Variants in MYO18A observed in about 807,000 individuals in gnomAD.
MYO18A encodes unconventional myosin-XVIIIa.
A neutral mutation model predicts 235.8 loss-of-function variants in MYO18A; 78 were observed. The observed-to-expected ratio is 0.33, with a 90% CI of 0.28 to 0.40. MYO18A has a LOEUF of 0.40. Among genes scored for constraint, MYO18A ranks in the 10% least tolerant of loss-of-function variants. MYO18A has a pLI of 1.00. For missense variants in MYO18A, 2,215 were observed against 2,699.3 expected (o/e 0.82, Z 3.98); for synonymous variants, 977 against 1,077.8 (o/e 0.91, Z 1.83).
intron 10 of MYO18A, among the ~76,000 whole-genome samples, chr17:29,116,857 G>C (rs2067085099): frequency 6.6e-6 from 1 of 151,692 alleles, no homozygotes; most frequent in Admixed American, 6.6e-5. Context: ...TTAGAGGAAA[G>C]CTAGGCTTGT....
chr17:29,124,319 C>T (rs933627069), intron 2 of MYO18A, among the ~76,000 whole-genome samples: 1 of 152,206 alleles, frequency 6.6e-6, no homozygotes, highest in African/African-American at 2.4e-5. Context: ...AGCTTTCTCT[C>T]TCCAGAGTGA....
chr17:29,073,924 G>A lies in MYO18A; in HGVS notation c.*846C>T, dbSNP rs867287177. The A allele has an allele frequency of 2.0e-5, 33 of 1,613,864 alleles. No homozygotes were observed. The highest frequency in any genetic ancestry group is 4.0e-5 in the African/African-American group (3 of 74,902). On this transcript the variant is annotated 3_prime_UTR_variant, in exon 42 of 42. Transcript: ENST00000527372. ...CTGGACAGAGCAGGAGGGAGGCAGTGCTTGGATCAGCCCTGAACTGCTGTA... is the reference window on the plus strand; with the variant it reads ...CTGGACAGAGCAGGAGGGAGGCAGTACTTGGATCAGCCCTGAACTGCTGTA...
rs151323308 is a variant in MYO18A, at chr17:29,166,049, G to A, written c.892C>T (p.Gln298Ter). 6.2e-7 allele frequency: 1 copy of A among 1,613,768 alleles called. No homozygotes were observed. The highest frequency in any genetic ancestry group is 8.5e-7 in the Non-Finnish European group (1 of 1,179,898). ...TTGAGCCGCACGCTGTCCCCTGACT[G>A]CCGGATCATCTCCACAATCTCATCC... ...SRDEIVEMIR[Q>*]SGDSVRLKVQ... Residue 298 changes from glutamine (Q) to a stop codon, truncating the protein, a stop_gained, in exon 2 of 42, where the codon CAG (glutamine) becomes TAG (stop). Transcript: ENST00000527372. LOFTEE classifies it high-confidence loss of function.
At position 29,179,229 on chromosome 17, in the gene MYO18A, C is replaced by T. The variant is rs538180290; in HGVS notation, c.-82+1084G>A. Reference sequence around the variant, plus strand: ...AGTGGTCAGGCAAAATGAATACCCGCTCAAAAACAAACTGGCTGTCTTCCT... The same window carrying T: ...AGTGGTCAGGCAAAATGAATACCCGTTCAAAAACAAACTGGCTGTCTTCCT... On this transcript the variant is annotated intron_variant, in intron 1 of 41. Transcript: ENST00000527372. Among the ~76,000 whole-genome samples the T allele has an allele frequency of 2.6e-5, 4 of 152,290 alleles. No individual in the cohort carries two copies. The East Asian group carries it at 7.7e-4, about 29-fold the overall frequency.
chr17:29,090,523 G>C lies in MYO18A; in HGVS notation c.5388+9C>G. ...CTCTCTCTCTCCTGAGGGAGCCCCT[G>C]GTCCTCACCTTCTCCTGCAGCTCCT... On this transcript the variant is annotated intron_variant, in intron 36 of 41. Transcript: ENST00000527372. 1 of 1,580,304 alleles carries C rather than the reference G, an allele frequency of 6.3e-7. No individual in the cohort carries two copies. Among genetic ancestry groups the C allele is most frequent in the Non-Finnish European group, 8.6e-7 (1 of 1,161,502 alleles).
chr17:29,081,120 G>C (rs1568036266), intron 41 of MYO18A: 1 of 555,048 alleles, frequency 1.8e-6, no homozygotes, highest in Non-Finnish European at 2.3e-6. Context: ...AAAGACACAG[G>C]GGGAGGGAGG....
At chr17:29,085,553 G>A (rs1285723233) in intron 40 of MYO18A, 51 bp downstream of exon 40, 30 of 1,582,224 alleles carry the variant, frequency 1.9e-5, no homozygotes, top group Non-Finnish European at 1.7e-6. Flanking sequence ...TGTTAGGGGT[G>A]GTTAGACACC....
Position 29,125,781 on chromosome 17 carries a change from C to T in MYO18A, c.1000-3528G>A. ...GCCCAACATGAGGGCCCACAGGCCGCCATGGAGCCATCTTCATGGTCAGCG... is the reference window on the plus strand; with the variant it reads ...GCCCAACATGAGGGCCCACAGGCCGTCATGGAGCCATCTTCATGGTCAGCG... On this transcript the variant is annotated intron_variant, in intron 2 of 41. Coordinates refer to ENST00000527372, the MANE Select transcript of MYO18A (RefSeq NM_078471.4). The surrounding 1 kb of genome is among the most constrained non-coding windows in gnomAD (Gnocchi z 5.1). 2.7e-6 allele frequency: 1 copy of T among 374,648 alleles called. No homozygotes were observed. Among genetic ancestry groups the T allele is most frequent in the Non-Finnish European group, 3.7e-6 (1 of 270,508 alleles). The allele number at this position is 374,648 out of a possible 1,614,324, so 23.2% of individuals were successfully genotyped here.
chr17:29,092,197 C>T (rs961063009), intron 34 of MYO18A, 146 bp downstream of exon 34: 66 of 643,714 alleles, frequency 1.0e-4, no homozygotes, highest in Admixed American at 7.3e-4. Flanking sequence ...AGGGGAGGCC[C>T]GCTCTTCCTG....
Position 29,107,110 on chromosome 17 carries a change from C to T in MYO18A, c.3411G>A (p.Gly1137=). Reference sequence around the variant, plus strand: ...TTTCATCCACCACGATGTAGTTACGCCCGTGTTTCTTGGTCAGGTGCGGGG... The same window carrying T: ...TTTCATCCACCACGATGTAGTTACGTCCGTGTTTCTTGGTCAGGTGCGGGG... The part of the protein sequence containing the change: ...VLAPHLTKKH[G]RNYIVVDERR... The change falls in exon 20 of 42, where the codon GGG becomes GGA. Residue 1137 remains glycine (G), a synonymous_variant. Transcript: ENST00000527372. 1 of 1,613,994 alleles carries T rather than the reference C, an allele frequency of 6.2e-7. No homozygotes were observed. Among genetic ancestry groups the T allele is most frequent in the Non-Finnish European group, 8.5e-7 (1 of 1,179,882 alleles).
In MYO18A at chr17:29,074,045, C is replaced by T. The variant is rs528532342; in HGVS notation, c.*725G>A. On this transcript the variant is annotated 3_prime_UTR_variant, in exon 42 of 42. Coordinates refer to ENST00000527372, the MANE Select transcript of MYO18A (RefSeq NM_078471.4). This position sits in a 1 kb window ranked among gnomAD's most constrained non-coding sequence, Gnocchi z 4.4. The stretch of plus-strand genomic sequence containing the variant: ...TGGAGGTGCGGATGGTCCACACACA[C>T]ACTTGTCTGCGTAGGCTTGCTCAAC... 6 of 1,614,096 alleles carry T rather than the reference C, an allele frequency of 3.7e-6. No individual in the cohort carries two copies. In the African/African-American group the frequency reaches 8.0e-5, roughly 22 times the overall value.
chr17:29,150,998 G>C (rs950258671), intron 2 of MYO18A, among the ~76,000 whole-genome samples: 1 of 152,230 alleles, frequency 6.6e-6, no homozygotes, highest in Non-Finnish European at 1.5e-5. Context: ...CCCCAGGCAA[G>C]GGCCCACAGG....
intron 37 of MYO18A, 56 bp downstream of exon 37, chr17:29,089,905 C>A: frequency 6.2e-7 from 1 of 1,608,032 alleles, no homozygotes; most frequent in East Asian, 2.2e-5. Flanking sequence ...TGCGCGGCTC[C>A]AGCGCTGGGG....
intron 21 of MYO18A, among the ~76,000 whole-genome samples, chr17:29,102,691 GAC>G (rs1241130796): frequency 6.6e-6 from 1 of 152,236 alleles, no homozygotes; most frequent in East Asian, 1.9e-4. Flanking sequence ...AAGACGCAAA[GAC>G]ACAGAGATGG....
chr17:29,088,792 C>A (rs2066322149), intron 37 of MYO18A, among the ~76,000 whole-genome samples: 1 of 152,148 alleles, frequency 6.6e-6, no homozygotes, highest in Non-Finnish European at 1.5e-5. Context: ...AATCCCAACA[C>A]TTTGGGAAGC....
At chr17:29,179,613 C>T (rs2068605298) in intron 1 of MYO18A, among the ~76,000 whole-genome samples, 1 of 152,168 alleles carries the variant, frequency 6.6e-6, no homozygotes, top group Non-Finnish European at 1.5e-5. Context: ...CCCACACGCA[C>T]CCCACCCCTC....
At chr17:29,077,955 T>C (rs1054631616) in intron 41 of MYO18A, 1 of 152,136 alleles carries the variant, frequency 6.6e-6, no homozygotes, top group African/African-American at 2.4e-5. Flanking sequence ...CCTAGGGGTG[T>C]GGGGCACTTA....
chr17:29,144,075 A>AT (rs1410017906), intron 2 of MYO18A, among the ~76,000 whole-genome samples: 1 of 152,192 alleles, frequency 6.6e-6, no homozygotes, highest in African/African-American at 2.4e-5. Context: ...GTCTCCACTC[A>AT]GCTTCACATG....
chr17:29,095,566 G>A (rs974451929), intron 28 of MYO18A, among the ~76,000 whole-genome samples: 6 of 152,188 alleles, frequency 3.9e-5, no homozygotes, highest in African/African-American at 7.2e-5. Context: ...GACACCACCC[G>A]GACACCCCAT....
Sources: gnomAD v4.1 joint callset for allele counts (sites outside exome capture counted in the v4.1 genomes callset) on GRCh38, gnomAD v4.1.1 for gene constraint, Gnocchi (gnomAD v3.1) non-coding constraint, MANE v1.5 for transcripts, NCBI Gene and HGNC (gene_info 2026-07-23, HGNC 2026-07-21) for gene names.